Variants in RPS6KB1 observed in about 807,000 individuals in gnomAD.
RPS6KB1 encodes ribosomal protein S6 kinase B1.
RPS6KB1 carries 12 observed loss-of-function variants against 70.2 expected under a neutral mutation model. That is an observed-to-expected ratio of 0.17 (90% CI 0.11 to 0.28). RPS6KB1 has a LOEUF of 0.28. Ranked by LOEUF, RPS6KB1 falls within the 10% of genes least tolerant of loss-of-function variation. RPS6KB1 has a pLI of 1.00. For missense variants in RPS6KB1, 270 were observed against 646.6 expected, an observed-to-expected ratio of 0.42 and a Z score of 6.32; for synonymous variants, 175 against 211.2, an observed-to-expected ratio of 0.83 and a Z score of 1.49.
At chr17:59,937,860 T>G (rs1170088604) in intron 12 of RPS6KB1, among the ~76,000 whole-genome samples, 1 of 152,152 alleles carries the variant, frequency 6.6e-6, no homozygotes. Flanking sequence ...GTAAATCAGT[T>G]AGTGTGTTAG....
intron 13 of RPS6KB1, among the ~76,000 whole-genome samples, chr17:59,942,771 G>A (rs1418532220): frequency 6.6e-6 from 1 of 152,084 alleles, no homozygotes; most frequent in Non-Finnish European, 1.5e-5. Context: ...CTTGAGGTCA[G>A]GAGTTCAAGA....
chr17:59,919,601 C>A (rs1014329134), intron 4 of RPS6KB1, among the ~76,000 whole-genome samples: 94 of 152,154 alleles, frequency 6.2e-4, no homozygotes, highest in African/African-American at 2.0e-3. Flanking sequence ...CCTCTCAACA[C>A]GCGGACTTTC....
chr17:59,915,798 T>TTTTTTTTTTTTTC lies in RPS6KB1; in HGVS notation c.381+1096_381+1097insTTTTTTTTTTTCT, dbSNP rs2042924524. Among the ~76,000 whole-genome samples, 2 of 141,404 alleles carry TTTTTTTTTTTTTC rather than the reference T, an allele frequency of 1.4e-5. 1 individual carries two copies. The highest frequency in any genetic ancestry group is 5.3e-5 in the African/African-American group (2 of 37,686). The allele number at this position is 141,404 out of a possible 152,430, so 92.8% of individuals were successfully genotyped here. A position where few individuals can be genotyped will look rare whatever the true frequency, so the allele number is the denominator to read the frequency against. On this transcript the variant is annotated intron_variant, in intron 4 of 14. Coordinates refer to ENST00000225577, the MANE Select transcript of RPS6KB1 (RefSeq NM_003161.4). ...ATCTTTTTTTTTTTTTTTTTTTTTT[T>TTTTTTTTTTTTTC]TATTGTGACAGAGTTTTGCTCTTGT...
intron 13 of RPS6KB1, among the ~76,000 whole-genome samples, chr17:59,942,324 T>C (rs550667061): frequency 2.4e-4 from 37 of 152,346 alleles, no homozygotes; most frequent in Middle Eastern, 6.8e-3. Context: ...TGAATTCTCA[T>C]TGTAGAAATG....
At position 59,907,006 on chromosome 17, in the gene RPS6KB1, C is replaced by CTT. The variant is rs35908905; in HGVS notation, c.142-3545_142-3544dup. 1.2e-3 allele frequency: 178 copies of CTT among 144,774 alleles called. 2 individuals carry two copies. In the East Asian group the frequency reaches 0.029, roughly 23 times the overall value. 9.0% of individuals were successfully genotyped at this position (144,774 alleles called of 1,614,324 possible). A position where few individuals can be genotyped will look rare whatever the true frequency, so the allele number is the denominator to read the frequency against. ...CCTTGCCCGGTCCCTTGCATTTCTT[C>CTT]TTTTTTTTTTTTGAGACAGAGTCTC... On this transcript the variant is annotated intron_variant, in intron 1 of 14. Coordinates refer to ENST00000225577, the MANE Select transcript of RPS6KB1 (RefSeq NM_003161.4).
Position 59,946,960 on chromosome 17 carries a change from G to A in RPS6KB1, c.*172G>A. 1.4e-6 allele frequency: 2 copies of A among 1,441,018 alleles called. No individual in the cohort carries two copies. Among genetic ancestry groups the A allele is most frequent in the Non-Finnish European group, 9.1e-7 (1 of 1,100,010 alleles). The allele number at this position is 1,441,018 out of a possible 1,614,324, so 89.3% of individuals were successfully genotyped here. A position where few individuals can be genotyped will look rare whatever the true frequency, so the allele number is the denominator to read the frequency against. ...GGATTTTAAAAAATCAATCAATGGT[G>A]CAAAAAAAAACTTAAAGCAAAATAG... is the stretch of plus-strand genomic sequence containing the variant. On this transcript the variant is annotated 3_prime_UTR_variant, in exon 15 of 15. Coordinates refer to ENST00000225577, the MANE Select transcript of RPS6KB1 (RefSeq NM_003161.4). This position sits in a 1 kb window ranked among gnomAD's most constrained non-coding sequence, Gnocchi z 4.2.
intron 1 of RPS6KB1, among the ~76,000 whole-genome samples, chr17:59,902,011 C>CT (rs1472586163): frequency 2.5e-4 from 23 of 92,986 alleles, no homozygotes; most frequent in African/African-American, 1.1e-3. Context: ...GAACCTGTCT[C>CT]TAAAAAAAAA....
intron 1 of RPS6KB1, among the ~76,000 whole-genome samples, chr17:59,908,613 ATTTTTT>A (rs546677930): frequency 3.1e-3 from 328 of 106,194 alleles, no homozygotes; most frequent in African/African-American, 0.011. Context: ...TGTAAAAAAA[ATTTTTT>A]TTTTTTTTTT....
intron 1 of RPS6KB1, among the ~76,000 whole-genome samples, chr17:59,909,033 T>C (rs1322406820): frequency 4.6e-5 from 7 of 150,690 alleles, no homozygotes; most frequent in Admixed American, 1.3e-4. Flanking sequence ...TTCAAGTGAT[T>C]CTCCTGCCTC....
chr17:59,901,656 A>AG (rs2041960486), intron 1 of RPS6KB1, among the ~76,000 whole-genome samples: 1 of 150,518 alleles, frequency 6.6e-6, no homozygotes, highest in Non-Finnish European at 1.5e-5. Flanking sequence ...AGAAAAAAAA[A>AG]GAAACAGAGT....
In RPS6KB1 at chr17:59,893,136, A is replaced by G; in HGVS notation, c.-49A>G. The G allele has an allele frequency of 1.9e-6, 3 of 1,593,048 alleles. No homozygotes were observed. Among genetic ancestry groups the G allele is most frequent in the Middle Eastern group, 1.7e-4 (1 of 5,840 alleles). On this transcript the variant is annotated 5_prime_UTR_variant, in exon 1 of 15. Transcript: ENST00000225577. The surrounding 1 kb of genome is among the most constrained non-coding windows in gnomAD (Gnocchi z 4.1). The stretch of plus-strand genomic sequence containing the variant: ...AGGCGCAGACGCACTGAGCCTAAGC[A>G]GCCGGTGATGGCGGCAGCGGCTGTG...
At chr17:59,912,488 A>G (rs1242395160) in intron 2 of RPS6KB1, 196 bp from the exon 3 acceptor site, 3 of 498,102 alleles carry the variant, frequency 6.0e-6, no homozygotes, top group Non-Finnish European at 1.1e-5. Flanking sequence ...TCTATGAACA[A>G]GGAGGCAAAC....
In RPS6KB1 at chr17:59,900,227, CACA is replaced by C. The variant is rs1568377707; in HGVS notation, c.141+6903_141+6905del. On this transcript the variant is annotated intron_variant, in intron 1 of 14. Coordinates refer to ENST00000225577, the MANE Select transcript of RPS6KB1 (RefSeq NM_003161.4). ...ACACACACACACACACACACACACA[CACA>C]CCCCTATGTGTTTTTGTTGTGTATG... 1.2e-3 allele frequency among the ~76,000 whole-genome samples: 166 copies of C among 143,656 alleles called. 4 individuals carry two copies. The highest frequency in any genetic ancestry group is 3.6e-3 in the South Asian group (16 of 4,504). 94.2% of individuals were successfully genotyped at this position (143,656 alleles called of 152,430 possible).
intron 4 of RPS6KB1, among the ~76,000 whole-genome samples, chr17:59,924,970 A>C (rs547953188): frequency 5.3e-5 from 8 of 151,958 alleles, no homozygotes; most frequent in African/African-American, 7.2e-5. Context: ...CTTGGACTAC[A>C]GGCACCTGCC....
Position 59,945,386 on chromosome 17 carries a change from C to T in RPS6KB1, c.1228-20C>T. 7.5e-7 allele frequency: 1 copy of T among 1,328,920 alleles called. No homozygotes were observed. The highest frequency in any genetic ancestry group is 1.1e-6 in the Non-Finnish European group (1 of 923,312). 82.3% of individuals were successfully genotyped at this position (1,328,920 alleles called of 1,614,324 possible). On this transcript the variant is annotated intron_variant, in intron 13 of 14. Coordinates refer to ENST00000225577, the MANE Select transcript of RPS6KB1 (RefSeq NM_003161.4). ...ACATGACAAAATGCCATTCTGTAGT[C>T]CACTGTTACTGTCTTTCAGGGTTTT...
chr17:59,913,466 A>T (rs2042764445), intron 3 of RPS6KB1, among the ~76,000 whole-genome samples: 2 of 152,198 alleles, frequency 1.3e-5, no homozygotes, highest in South Asian at 4.1e-4. Flanking sequence ...TTAAGAACAC[A>T]TTGTAATTTC....
Position 59,934,956 on chromosome 17 carries a change from G to T in RPS6KB1, c.871-237G>T. The T allele has an allele frequency of 2.4e-6, 1 of 411,386 alleles. No individual in the cohort carries two copies. The highest frequency in any genetic ancestry group is 4.4e-6 in the Non-Finnish European group (1 of 226,876). 25.5% of individuals were successfully genotyped at this position (411,386 alleles called of 1,614,324 possible). ...AGCCTAAGCTACTCAGGAGGCTGAG[G>T]TGGGAGGATCATTTGAGCTAAGGAT... On this transcript the variant is annotated intron_variant, in intron 9 of 14. Coordinates refer to ENST00000225577, the MANE Select transcript of RPS6KB1 (RefSeq NM_003161.4). The surrounding 1 kb of genome is among the most constrained non-coding windows in gnomAD (Gnocchi z 4.8).
chr17:59,946,863 C>CAA lies in RPS6KB1; in HGVS notation c.*75_*76insAA, dbSNP rs76853887. The CAA allele has an allele frequency of 0.35, 560,059 of 1,592,162 alleles. 100,074 individuals are homozygous for CAA. Among genetic ancestry groups the CAA allele is most frequent in the East Asian group, 0.46 (20,388 of 44,550 alleles). ...TGTGTGAGCATCCTGCAAGGTGAAACGACTCAAAATGACAGTTTCAGAGAG... is the reference window on the plus strand; with the variant it reads ...TGTGTGAGCATCCTGCAAGGTGAAACAAGACTCAAAATGACAGTTTCAGAGAG... On this transcript the variant is annotated 3_prime_UTR_variant, in exon 15 of 15. Coordinates refer to ENST00000225577, the MANE Select transcript of RPS6KB1 (RefSeq NM_003161.4). The surrounding 1 kb of genome is among the most constrained non-coding windows in gnomAD (Gnocchi z 4.2).
chr17:59,935,385 A>G (rs988225275), intron 10 of RPS6KB1, 85 bp downstream of exon 10: 1 of 716,000 alleles, frequency 1.4e-6, no homozygotes. Flanking sequence ...TTTTGAATAA[A>G]GAGTCATATA....
Sources: allele counts gnomAD v4.1 joint callset (sites outside exome capture counted in the v4.1 genomes callset), GRCh38; gene constraint gnomAD v4.1.1; non-coding constraint Gnocchi (gnomAD v3.1); transcripts MANE v1.5; gene names NCBI Gene and HGNC (gene_info 2026-07-23, HGNC 2026-07-21).